The following ASPRV1 variants were observed in gnomAD, a reference collection of about 807,000 sequenced individuals.
The protein encoded by ASPRV1 is retroviral-like aspartic protease 1.
ASPRV1 carries 7 observed loss-of-function variants against 11.0 expected under a neutral mutation model. The observed-to-expected ratio is 0.64, with a 90% CI of 0.36 to 1.20. ASPRV1 has a LOEUF of 1.20. ASPRV1 is among the 50% of genes most tolerant of loss of function. The probability of loss-of-function intolerance (pLI) is 0.02; values close to 1 mark genes in which losing one functional copy is unlikely to be tolerated. For missense variants in ASPRV1, 299 were observed against 320.0 expected (o/e 0.93, Z 0.50); for synonymous variants, 136 against 138.4 (o/e 0.98, Z 0.12).
the ASPRV1 span, among the ~76,000 whole-genome samples, chr2:69,983,182 G>A: frequency 6.6e-6 from 1 of 152,180 alleles, no homozygotes; most frequent in Non-Finnish European, 1.5e-5. Flanking sequence ...GCCTCCCAAA[G>A]TGCTGGGATT....
the ASPRV1 span, among the ~76,000 whole-genome samples, chr2:70,054,825 G>A: frequency 6.6e-6 from 1 of 152,004 alleles, no homozygotes; most frequent in Admixed American, 6.6e-5. Context: ...AAACATCTGA[G>A]ACATAAAGTT....
the ASPRV1 span, chr2:70,046,151 T>TA: frequency 5.3e-5 from 8 of 152,244 alleles, no homozygotes; most frequent in Admixed American, 1.3e-4. Flanking sequence ...CCTCCTGCTC[T>TA]AGTCAGCACA....
chr2:69,963,397 G>C (rs983936159), upstream of ASPRV1: 6 of 456,632 alleles, frequency 1.3e-5, no homozygotes, highest in Admixed American at 2.3e-5. Flanking sequence ...GACTTTTGCA[G>C]ATAGCTTCCC....
the ASPRV1 span, among the ~76,000 whole-genome samples, chr2:69,954,457 C>T: frequency 6.6e-6 from 1 of 152,190 alleles, no homozygotes; most frequent in East Asian, 1.9e-4. Context: ...TGGTTGTTTC[C>T]TCCAAGAATA....
At chr2:69,976,492 A>G in the ASPRV1 span, 4 of 152,366 alleles carry the variant, frequency 2.6e-5, no homozygotes, top group East Asian at 7.7e-4. Flanking sequence ...CAGAGAACAC[A>G]ACCCAGACAT....
chr2:70,044,234 G>C, the ASPRV1 span, among the ~76,000 whole-genome samples: 1 of 152,082 alleles, frequency 6.6e-6, no homozygotes, highest in East Asian at 1.9e-4. Flanking sequence ...AATTTCAATT[G>C]TGGGATCCCA....
the ASPRV1 span, chr2:70,070,179 C>CAAAAAAAAAAAAAAAAAAAAAAA: frequency 2.1e-5 from 1 of 47,114 alleles, no homozygotes; most frequent in Non-Finnish European, 3.9e-5. Flanking sequence ...GACTCCATCT[C>CAAAAAAAAAAAAAAAAAAAAAAA]AAAAAAAAAA....
At chr2:70,044,617 G>A in the ASPRV1 span, among the ~76,000 whole-genome samples, 3 of 152,092 alleles carry the variant, frequency 2.0e-5, no homozygotes, top group Non-Finnish European at 4.4e-5. Flanking sequence ...GAGCCACCAC[G>A]CCCAGCTAAT....
chr2:70,004,173 G>C, the ASPRV1 span, among the ~76,000 whole-genome samples: 1 of 152,278 alleles, frequency 6.6e-6, no homozygotes, highest in African/African-American at 2.4e-5. Context: ...TCTGTAGCCT[G>C]AAAGTCTGAG....
chr2:70,020,615 A>T, the ASPRV1 span, among the ~76,000 whole-genome samples: 1 of 152,252 alleles, frequency 6.6e-6, no homozygotes, highest in East Asian at 1.9e-4. Flanking sequence ...GGTGGCACGC[A>T]TCTGTAATCC....
the ASPRV1 span, among the ~76,000 whole-genome samples, chr2:70,085,314 C>T: frequency 2.0e-5 from 3 of 152,082 alleles, no homozygotes; most frequent in Non-Finnish European, 4.4e-5. Flanking sequence ...GAATCACTTC[C>T]CCCTCCCTAT....
the ASPRV1 span, among the ~76,000 whole-genome samples, chr2:70,025,497 TCAAG>T: frequency 6.6e-6 from 1 of 152,170 alleles, no homozygotes; most frequent in South Asian, 2.1e-4. Flanking sequence ...ATTGCTGTGG[TCAAG>T]TTCTGATGTC....
chr2:69,979,564 C>T, the ASPRV1 span, among the ~76,000 whole-genome samples: 1 of 152,158 alleles, frequency 6.6e-6, no homozygotes, highest in Non-Finnish European at 1.5e-5. Flanking sequence ...GGACATGGGA[C>T]CCCCCTCAAA....
the ASPRV1 span, among the ~76,000 whole-genome samples, chr2:70,032,634 G>A: frequency 6.6e-6 from 1 of 152,092 alleles, no homozygotes; most frequent in Admixed American, 6.6e-5. Context: ...CTTCAGCCTG[G>A]GTGACAGAGT....
the ASPRV1 span, among the ~76,000 whole-genome samples, chr2:69,944,118 C>A: frequency 1.3e-5 from 2 of 152,124 alleles, no homozygotes; most frequent in East Asian, 3.9e-4. Flanking sequence ...CAAATGGAAC[C>A]CACCTAATAG....
At chr2:70,060,145 CA>C in the ASPRV1 span, 1 of 151,850 alleles carries the variant, frequency 6.6e-6, no homozygotes, top group East Asian at 1.9e-4. Flanking sequence ...AAATTGAGAC[CA>C]GCCTGGCCAA....
At chr2:70,086,274 A>G in the ASPRV1 span, 3 of 152,198 alleles carry the variant, frequency 2.0e-5, no homozygotes, top group East Asian at 5.8e-4. Context: ...TTTTGTGTTC[A>G]GGAAACATGG....
the ASPRV1 span, among the ~76,000 whole-genome samples, chr2:70,008,783 A>G: frequency 6.6e-6 from 1 of 152,064 alleles, no homozygotes; most frequent in South Asian, 2.1e-4. Context: ...TCCTTCTGGG[A>G]TTGTAGTCCT....
At chr2:69,951,581 A>G in the ASPRV1 span, among the ~76,000 whole-genome samples, 2 of 150,296 alleles carry the variant, frequency 1.3e-5, no homozygotes, top group African/African-American at 4.9e-5. Context: ...ATATAAACAT[A>G]TATATAGATA....
Sources: allele counts gnomAD v4.1 joint callset (sites outside exome capture counted in the v4.1 genomes callset), GRCh38; gene constraint gnomAD v4.1.1; transcripts MANE v1.5; gene names NCBI Gene and HGNC (gene_info 2026-07-23, HGNC 2026-07-21).